Variants in OSBPL11 observed in about 807,000 individuals in gnomAD.
OSBPL11 encodes oxysterol-binding protein-related protein 11.
In OSBPL11, 33 loss-of-function variants were observed where a neutral mutation model predicts 84.4. That is an observed-to-expected ratio of 0.39 (90% CI 0.30 to 0.52). The LOEUF (loss-of-function observed/expected upper bound fraction) is 0.52, where lower values mean the gene tolerates loss of function less well. Ranked by LOEUF, OSBPL11 falls within the 20% of genes least tolerant of loss-of-function variation. The probability of loss-of-function intolerance (pLI) is 0.72; values close to 1 mark genes in which losing one functional copy is unlikely to be tolerated. For synonymous variants in OSBPL11, 276 were observed against 310.2 expected (o/e 0.89, Z 1.16); for missense variants, 736 against 901.1 (o/e 0.82, Z 2.35).
Position 125,530,177 on chromosome 3 carries a change from CATT to C in OSBPL11, c.*335_*337del, listed in dbSNP as rs375040206. ...AAAGAAATCAAAGTCACTGAGTTCT[CATT>C]GTTGTGTGTATCTGCTGCCCCTGTG... is the stretch of plus-strand genomic sequence containing the variant. On this transcript the variant is annotated 3_prime_UTR_variant, in exon 13 of 13. Transcript: ENST00000296220. The C allele has an allele frequency of 2.4e-5, 6 of 250,474 alleles. No individual in the cohort carries two copies. Among genetic ancestry groups the C allele is most frequent in the Middle Eastern group, 1.5e-3 (1 of 652 alleles). 15.5% of individuals were successfully genotyped at this position (250,474 alleles called of 1,614,324 possible).
chr3:125,565,712 G>C (rs1288496119), intron 6 of OSBPL11, among the ~76,000 whole-genome samples: 1 of 152,154 alleles, frequency 6.6e-6, no homozygotes, highest in African/African-American at 2.4e-5. Flanking sequence ...TGTAAGAAGA[G>C]AAAATTTATA....
At chr3:125,591,434 T>C (rs1346785417) in intron 1 of OSBPL11, among the ~76,000 whole-genome samples, 6 of 152,180 alleles carry the variant, frequency 3.9e-5, no homozygotes, top group Non-Finnish European at 7.3e-5. Context: ...TACCTCCTCA[T>C]TCTCAAGAAA....
At chr3:125,540,772 C>T (rs188077657) in intron 10 of OSBPL11, among the ~76,000 whole-genome samples, 27 of 152,310 alleles carry the variant, frequency 1.8e-4, no homozygotes, top group African/African-American at 6.0e-4. Flanking sequence ...CTGCTCATGA[C>T]TGCTGGGTAT....
Position 125,563,749 on chromosome 3 carries a change from C to T in OSBPL11, c.963G>A (p.Pro321=), listed in dbSNP as rs371633056. ...CAGGCTGCTCTTCTGGGACTGCCAC[C>T]GGCTTACTCTGATCAGTTGCAAAGG... The part of the protein sequence containing the change: ...DQPFATDQSK[P]VAVPEEQPVA... The change falls in exon 7 of 13, where the codon CCG becomes CCA. Residue 321 remains proline, a synonymous_variant. Transcript: ENST00000296220. 102 of 1,614,006 alleles carry T rather than the reference C, an allele frequency of 6.3e-5. No homozygotes were observed. In the African/African-American group the frequency reaches 9.7e-4, roughly 15 times the overall value.
At chr3:125,534,690 A>G (rs1935613902) in intron 11 of OSBPL11, among the ~76,000 whole-genome samples, 1 of 151,908 alleles carries the variant, frequency 6.6e-6, no homozygotes, top group African/African-American at 2.4e-5. Flanking sequence ...AATTTACAGC[A>G]TTAAACATTT....
intron 8 of OSBPL11, among the ~76,000 whole-genome samples, chr3:125,556,827 G>A (rs1935996766): frequency 6.6e-6 from 1 of 152,164 alleles, no homozygotes; most frequent in Non-Finnish European, 1.5e-5. Flanking sequence ...CAAGTAAATT[G>A]TTTTATGGAG....
At chr3:125,538,103 T>C (rs181562664) in intron 11 of OSBPL11, among the ~76,000 whole-genome samples, 33 of 152,354 alleles carry the variant, frequency 2.2e-4, no homozygotes, top group Middle Eastern at 6.8e-3. Flanking sequence ...CACTACCTCT[T>C]TACATCCTTT....
intron 10 of OSBPL11, among the ~76,000 whole-genome samples, chr3:125,541,922 G>C (rs1198205487): frequency 6.6e-6 from 1 of 152,144 alleles, no homozygotes; most frequent in African/African-American, 2.4e-5. Context: ...GTCAGGATTT[G>C]AATACATGTC....
chr3:125,551,765 G>A (rs778406738), intron 9 of OSBPL11, among the ~76,000 whole-genome samples: 2 of 151,648 alleles, frequency 1.3e-5, no homozygotes, highest in African/African-American at 4.9e-5. Flanking sequence ...ATGACAGAGC[G>A]AGACTCCATC....
intron 1 of OSBPL11, among the ~76,000 whole-genome samples, chr3:125,586,881 C>T (rs1936520556): frequency 6.6e-6 from 1 of 152,184 alleles, no homozygotes; most frequent in Admixed American, 6.5e-5. Flanking sequence ...AATTAAGCTA[C>T]CTTTTAAACA....
Position 125,563,446 on chromosome 3 carries a change from T to G in OSBPL11, c.1014+252A>C, listed in dbSNP as rs533519124. On this transcript the variant is annotated intron_variant, in intron 7 of 12. Transcript: ENST00000296220. Reference sequence around the variant, plus strand: ...GAAAAAGAAAAACATAAATTTCAATTTTTAAAATATATTTTTATCAAGCAA... The same window carrying G: ...GAAAAAGAAAAACATAAATTTCAATGTTTAAAATATATTTTTATCAAGCAA... Among the ~76,000 whole-genome samples, 6 of 152,266 alleles carry G rather than the reference T, an allele frequency of 3.9e-5. No homozygotes were observed. In the South Asian group the frequency reaches 1.2e-3, roughly 32 times the overall value.
chr3:125,568,282 T>C (rs1936191410), intron 5 of OSBPL11, among the ~76,000 whole-genome samples: 1 of 152,002 alleles, frequency 6.6e-6, no homozygotes, highest in Non-Finnish European at 1.5e-5. Flanking sequence ...ATACAAAAAA[T>C]TAGCCAGGCA....
chr3:125,529,326 A>G lies in OSBPL11; in HGVS notation c.*1189T>C, dbSNP rs938886603. 2 of 152,262 alleles carry G rather than the reference A, an allele frequency of 1.3e-5. No individual in the cohort carries two copies. The highest frequency in any genetic ancestry group is 1.3e-4 in the Admixed American group (2 of 15,276). 9.4% of individuals were successfully genotyped at this position (152,262 alleles called of 1,614,324 possible). A position where few individuals can be genotyped will look rare whatever the true frequency, so the allele number is the denominator to read the frequency against. ...AATTAGCTCTATTCTTTTAATTGCC[A>G]GCAATTCTTCAACCTCAACAAAATA... On this transcript the variant is annotated 3_prime_UTR_variant, in exon 13 of 13. Coordinates refer to ENST00000296220, the MANE Select transcript of OSBPL11 (RefSeq NM_022776.5).
intron 6 of OSBPL11, 121 bp downstream of exon 6, chr3:125,567,273 G>A (rs1039931126): frequency 3.7e-6 from 3 of 817,020 alleles, no homozygotes; most frequent in East Asian, 2.6e-5. Flanking sequence ...AAAACCAACA[G>A]GCTCTGGTTT....
At chr3:125,538,693 G>T (rs910752321) in intron 10 of OSBPL11, 60 bp from the exon 11 acceptor site, 21 of 1,451,862 alleles carry the variant, frequency 1.4e-5, no homozygotes, top group Non-Finnish European at 1.6e-5. Flanking sequence ...TTGTTTCTTA[G>T]ATCTGAAACC....
intron 4 of OSBPL11, among the ~76,000 whole-genome samples, chr3:125,576,718 C>T (rs573881780): frequency 1.3e-5 from 2 of 151,462 alleles, no homozygotes; most frequent in South Asian, 4.2e-4. Flanking sequence ...GAGTCTCACA[C>T]TGTCACCCAG....
chr3:125,568,947 AT>A (rs144762548), intron 5 of OSBPL11, among the ~76,000 whole-genome samples: 8 of 149,144 alleles, frequency 5.4e-5, no homozygotes, highest in South Asian at 4.2e-4. Flanking sequence ...GTTCCAGGTG[AT>A]TTTTTTTTTC....
At chr3:125,536,670 G>A (rs73191155) in intron 11 of OSBPL11, among the ~76,000 whole-genome samples, 10,064 of 152,084 alleles carry the variant, frequency 0.066, 464 homozygotes, top group African/African-American at 0.13. Context: ...ACCTAACATT[G>A]AAATTAGAAG....
At position 125,547,590 on chromosome 3, in the gene OSBPL11, T is replaced by C. The variant is rs376930244; in HGVS notation, c.1657A>G (p.Ile553Val). Residue 553 changes from isoleucine to valine, a missense_variant and splice_region_variant, in exon 10 of 13, where the codon ATC becomes GTC. By Grantham distance (29) the Ile-to-Val change is conservative. This residue lies in a region of OSBPL11 where 579 missense variants were observed against 717.6 expected (regional missense o/e 0.81). Coordinates refer to ENST00000296220, the MANE Select transcript of OSBPL11 (RefSeq NM_022776.5). Reference protein sequence around the residue: ...SIGVTMVGEGILSLLEHGEEY... With the variant: ...SIGVTMVGEGVLSLLEHGEEY... ...TCTCCATGCTCCAACAGACTAAGGA[T>C]ACCTGAATGTGAAAACATGAGGGTG... The C allele has an allele frequency of 1.6e-5, 26 of 1,586,714 alleles. No individual in the cohort carries two copies. Among genetic ancestry groups the C allele is most frequent in the African/African-American group, 1.4e-4 (10 of 74,002 alleles).
Sources: gnomAD v4.1 joint callset for allele counts (sites outside exome capture counted in the v4.1 genomes callset) on GRCh38, gnomAD v4.1.1 for gene constraint, gnomAD v4.1.1 regional missense constraint, MANE v1.5 for transcripts, NCBI Gene and HGNC (gene_info 2026-07-23, HGNC 2026-07-21) for gene names.